The following PID1 variants were observed in gnomAD, a reference collection of about 807,000 sequenced individuals.
PID1 encodes phosphotyrosine interaction domain containing 1, also known as PTB-containing, cubilin and LRP1-interacting protein.
A neutral mutation model predicts 19.1 loss-of-function variants in PID1; 10 were observed. The ratio of observed to expected loss-of-function variants is 0.52; its 90% CI spans 0.32 to 0.89. The LOEUF is 0.89. Ranked by LOEUF, PID1 falls within the 40% of genes least tolerant of loss-of-function variation. PID1 has a pLI of 0.03. For missense variants in PID1, 248 were observed against 285.3 expected, an observed-to-expected ratio of 0.87 and a Z score of 0.94; for synonymous variants, 130 against 116.0, an observed-to-expected ratio of 1.12 and a Z score of -0.78.
chr2:229,153,498 C>G (rs184049091), intron 2 of PID1, among the ~76,000 whole-genome samples: 1 of 152,266 alleles, frequency 6.6e-6, no homozygotes, highest in African/African-American at 2.4e-5. Flanking sequence ...CAAATGAAAT[C>G]ATTGTCGATT....
At chr2:229,151,721 C>T (rs557715123) in intron 2 of PID1, among the ~76,000 whole-genome samples, 2 of 152,162 alleles carry the variant, frequency 1.3e-5, no homozygotes, top group African/African-American at 2.4e-5. Context: ...CAGGTGCCCA[C>T]CACCACGCCC....
intron 2 of PID1, among the ~76,000 whole-genome samples, chr2:229,067,092 C>T (rs145599371): frequency 1.7e-3 from 266 of 152,186 alleles, no homozygotes; most frequent in African/African-American, 6.2e-3. Flanking sequence ...GAAGCAAACA[C>T]GTTCTTCTTC....
chr2:229,263,606 G>A (rs1054006797), intron 1 of PID1, among the ~76,000 whole-genome samples: 6 of 152,134 alleles, frequency 3.9e-5, no homozygotes, highest in Non-Finnish European at 5.9e-5. Flanking sequence ...CATCTGCAGA[G>A]AAAAAGGTGA....
intron 1 of PID1, among the ~76,000 whole-genome samples, chr2:229,186,003 C>G (rs1246624692): frequency 2.0e-5 from 3 of 152,174 alleles, no homozygotes; most frequent in Admixed American, 2.0e-4. Context: ...TTCCTAGACA[C>G]AATAGGGTAC....
chr2:229,033,826 G>A (rs1286786036), intron 2 of PID1, among the ~76,000 whole-genome samples: 1 of 152,202 alleles, frequency 6.6e-6, no homozygotes, highest in Non-Finnish European at 1.5e-5. Flanking sequence ...CAAGGCAGAA[G>A]ATGAGAAAAA....
chr2:229,252,160 G>T (rs959464480), intron 1 of PID1, among the ~76,000 whole-genome samples: 2 of 152,086 alleles, frequency 1.3e-5, no homozygotes, highest in African/African-American at 2.4e-5. Flanking sequence ...TGTCTAAAAG[G>T]CTCAGCAGTT....
intron 1 of PID1, among the ~76,000 whole-genome samples, chr2:229,213,508 C>G (rs1216837545): frequency 6.6e-6 from 1 of 152,168 alleles, no homozygotes. Flanking sequence ...AGCATTGATT[C>G]GGGGAAGGGT....
intron 2 of PID1, among the ~76,000 whole-genome samples, chr2:229,031,532 T>G (rs1440918688): frequency 6.6e-6 from 1 of 151,240 alleles, no homozygotes; most frequent in Non-Finnish European, 1.5e-5. Flanking sequence ...CACTCCAGCC[T>G]GGGAAACAGA....
intron 2 of PID1, among the ~76,000 whole-genome samples, chr2:229,040,141 G>C (rs1042242619): frequency 1.4e-5 from 2 of 147,228 alleles, no homozygotes; most frequent in African/African-American, 5.0e-5. Context: ...AAAAAAGGCT[G>C]GGCACAGTGG....
chr2:229,030,615 T>C (rs968424052), intron 2 of PID1, among the ~76,000 whole-genome samples: 1 of 152,090 alleles, frequency 6.6e-6, no homozygotes, highest in Non-Finnish European at 1.5e-5. Context: ...TTTCTAAAAA[T>C]TGCATACAGA....
In PID1 at chr2:229,025,706, T is replaced by C. The variant is rs995488872; in HGVS notation, c.580A>G (p.Lys194Glu). ...TTGCTGTGGATCCGCCCGTCGCTCTTCATACTGTGGAAAGTCTTCCTGAAG... is the reference window on the plus strand; with the variant it reads ...TTGCTGTGGATCCGCCCGTCGCTCTCCATACTGTGGAAAGTCTTCCTGAAG... ...EAFRKTFHSM[K>E]SDGRIHSNSS... Residue 194 changes from lysine to glutamate, a missense_variant, in exon 3 of 3, where the codon AAG becomes GAG. Physicochemically the swap from Lys to Glu is moderately conservative, Grantham distance 56. Coordinates refer to ENST00000392055, the MANE Select transcript of PID1 (RefSeq NM_001100818.2). The C allele has an allele frequency of 7.4e-6, 12 of 1,614,220 alleles. No individual in the cohort carries two copies. The highest frequency in any genetic ancestry group is 3.3e-4 in the Middle Eastern group (2 of 6,062).
At chr2:229,070,924 C>T (rs1350380272) in intron 2 of PID1, among the ~76,000 whole-genome samples, 4 of 152,080 alleles carry the variant, frequency 2.6e-5, no homozygotes, top group African/African-American at 7.2e-5. Flanking sequence ...TCTTCATTAC[C>T]GGTATCTACA....
chr2:229,028,717 A>C (rs1430748159), intron 2 of PID1, among the ~76,000 whole-genome samples: 2 of 152,212 alleles, frequency 1.3e-5, no homozygotes, highest in African/African-American at 4.8e-5. Context: ...CTTTGCGACA[A>C]CATGGACATA....
At chr2:229,116,746 C>A (rs139586302) in intron 2 of PID1, among the ~76,000 whole-genome samples, 66 of 152,276 alleles carry the variant, frequency 4.3e-4, no homozygotes, top group African/African-American at 1.5e-3. Flanking sequence ...ATAAATTACC[C>A]AGTCTTGGGT....
At chr2:229,200,176 T>C (rs1200601727) in intron 1 of PID1, among the ~76,000 whole-genome samples, 1 of 151,978 alleles carries the variant, frequency 6.6e-6, no homozygotes, top group African/African-American at 2.4e-5. Flanking sequence ...AGGGAGGCCA[T>C]GGCCATCTGA....
intron 2 of PID1, among the ~76,000 whole-genome samples, chr2:229,066,300 G>A (rs1442023839): frequency 6.6e-6 from 1 of 152,108 alleles, no homozygotes; most frequent in Admixed American, 6.6e-5. Context: ...GTCTAGTCAG[G>A]AAGACAGATG....
chr2:229,081,507 G>T (rs1694668459), intron 2 of PID1, among the ~76,000 whole-genome samples: 1 of 152,202 alleles, frequency 6.6e-6, no homozygotes, highest in Non-Finnish European at 1.5e-5. Flanking sequence ...TGATTTAGCA[G>T]CCAGCAGAGA....
chr2:229,262,714 G>T (rs527480647), intron 1 of PID1: 5 of 1,551,518 alleles, frequency 3.2e-6, no homozygotes, highest in Middle Eastern at 1.7e-4. Flanking sequence ...AAAATGTAAA[G>T]GTTGGCAGGG....
At chr2:229,211,819 C>T (rs1382873431) in intron 1 of PID1, among the ~76,000 whole-genome samples, 1 of 152,238 alleles carries the variant, frequency 6.6e-6, no homozygotes, top group Non-Finnish European at 1.5e-5. Context: ...TCCCTTCCAA[C>T]AGTAGCCTGC....
Sources: gnomAD v4.1 joint callset for allele counts (sites outside exome capture counted in the v4.1 genomes callset) on GRCh38, gnomAD v4.1.1 for gene constraint, MANE v1.5 for transcripts, NCBI Gene and HGNC (gene_info 2026-07-23, HGNC 2026-07-21) for gene names.